GPAM: variants seen among roughly 807,000 people sequenced by gnomAD.
GPAM encodes the protein glycerol-3-phosphate acyltransferase 1, mitochondrial.
GPAM carries 56 observed loss-of-function variants against 105.0 expected under a neutral mutation model. That is an observed-to-expected ratio of 0.53 (90% CI 0.43 to 0.67). The LOEUF (loss-of-function observed/expected upper bound fraction) is 0.67. Ranked by LOEUF, GPAM falls within the 30% of genes least tolerant of loss-of-function variation. The pLI is 0.00. For missense variants in GPAM, 855 were observed against 989.8 expected (o/e 0.86, Z 1.83); for synonymous variants, 368 against 354.4 (o/e 1.04, Z -0.43).
At chr10:112,219,372 G>A (rs1001253269), upstream of GPAM, among the ~76,000 whole-genome samples, 2 of 152,184 alleles carry the variant, frequency 1.3e-5, no homozygotes, top group Non-Finnish European at 1.5e-5. Flanking sequence ...CCTGGGAGTG[G>A]GGATGACGGA....
At chr10:112,192,203 C>T (rs901609521) in intron 1 of GPAM, among the ~76,000 whole-genome samples, 1 of 152,124 alleles carries the variant, frequency 6.6e-6, no homozygotes, top group African/African-American at 2.4e-5. Context: ...TTCGTTTATC[C>T]ATTCATTCAT....
intron 4 of GPAM, among the ~76,000 whole-genome samples, chr10:112,178,778 C>T (rs552345627): frequency 4.6e-5 from 7 of 152,134 alleles, no homozygotes; most frequent in Non-Finnish European, 8.8e-5. Context: ...GAGTTATCAC[C>T]ATTTTCTAGG....
At chr10:112,200,024 GA>G (rs1325405337) in intron 1 of GPAM, among the ~76,000 whole-genome samples, 2 of 151,706 alleles carry the variant, frequency 1.3e-5, no homozygotes, top group African/African-American at 4.8e-5. Flanking sequence ...AATCAAAAAA[GA>G]ATCACTGTAT....
At chr10:112,204,408 G>A (rs909576456) in intron 1 of GPAM, among the ~76,000 whole-genome samples, 3 of 151,734 alleles carry the variant, frequency 2.0e-5, no homozygotes, top group Non-Finnish European at 2.9e-5. Flanking sequence ...GTGGGAAGAG[G>A]GTTGGGAGTG....
In GPAM at chr10:112,153,601, T is replaced by A; in HGVS notation, c.2436A>T (p.Gln812His). ...VLELSSTFLP[Q>H]CNRQKLLEYI... ...ATTCTAGAAGTTTTTGTCGGTTGCA[T>A]TGAGGTAGAAAAGTGCTGCTCAGTT... Residue 812 changes from glutamine to histidine, a missense_variant, in exon 22 of 22, where the codon CAA (glutamine) becomes CAT (histidine). Gln to His is a conservative substitution (Grantham distance 24). Coordinates refer to ENST00000348367, the MANE Select transcript of GPAM (RefSeq NM_001244949.2). 1 of 1,614,008 alleles carries A rather than the reference T, an allele frequency of 6.2e-7. No individual in the cohort carries two copies. Among genetic ancestry groups the A allele is most frequent in the Non-Finnish European group, 8.5e-7 (1 of 1,179,890 alleles).
chr10:112,156,191 CT>C, intron 19 of GPAM, 138 bp from the exon 20 acceptor site: 2 of 691,904 alleles, frequency 2.9e-6, no homozygotes, highest in South Asian at 3.1e-5. Context: ...AAGCGGCCCC[CT>C]GCCCCTCATG....
intron 9 of GPAM, among the ~76,000 whole-genome samples, chr10:112,169,587 T>C (rs900021336): frequency 6.6e-6 from 1 of 152,298 alleles, no homozygotes. Flanking sequence ...AAGTTGAAAC[T>C]GTCTAAGTCA....
At chr10:112,224,991 G>T in the GPAM span, among the ~76,000 whole-genome samples, 1 of 152,138 alleles carries the variant, frequency 6.6e-6, no homozygotes, top group Admixed American at 6.5e-5. Context: ...TCATTAAGCA[G>T]AACACTCAAC....
chr10:112,202,631 T>C (rs916549697), intron 1 of GPAM, among the ~76,000 whole-genome samples: 1 of 152,242 alleles, frequency 6.6e-6, no homozygotes, highest in Non-Finnish European at 1.5e-5. Flanking sequence ...TAGTTATGCA[T>C]AATTTTACAT....
chr10:112,166,833 C>G (rs1847226615), intron 11 of GPAM, among the ~76,000 whole-genome samples: 1 of 152,102 alleles, frequency 6.6e-6, no homozygotes, highest in African/African-American at 2.4e-5. Context: ...AATGACATAG[C>G]CTGGAAAACT....
At position 112,176,946 on chromosome 10, in the gene GPAM, GGCAA is replaced by G. The variant is rs535016175; in HGVS notation, c.299+1034_299+1037del. ...TTTTCCTTAACTGTCTCTAATTGAG[GGCAA>G]GAAACAAACCTCTTGGCTTTATATA... On this transcript the variant is annotated intron_variant, in intron 5 of 21. Coordinates refer to ENST00000348367, the MANE Select transcript of GPAM (RefSeq NM_001244949.2). 5.7e-3 allele frequency among the ~76,000 whole-genome samples: 867 copies of G among 152,066 alleles called. 7 individuals are homozygous for G. Among genetic ancestry groups the G allele is most frequent in the African/African-American group, 0.02 (833 of 41,462 alleles).
intron 1 of GPAM, among the ~76,000 whole-genome samples, chr10:112,192,468 T>C (rs1847671934): frequency 6.6e-6 from 1 of 152,118 alleles, no homozygotes; most frequent in Non-Finnish European, 1.5e-5. Context: ...GATAAGGTGG[T>C]CAGGGAGGAC....
the GPAM span, among the ~76,000 whole-genome samples, chr10:112,220,901 G>A: frequency 6.6e-6 from 1 of 151,548 alleles, no homozygotes; most frequent in Non-Finnish European, 1.5e-5. Context: ...TACATGGGGA[G>A]ATTATTCACA....
At chr10:112,222,917 T>G in the GPAM span, among the ~76,000 whole-genome samples, 55,951 of 151,652 alleles carry the variant, frequency 0.37, 12,718 homozygotes, top group African/African-American at 0.64. Flanking sequence ...AAGAGAACCT[T>G]CTGCAGGTGC....
At chr10:112,172,098 CAT>C in intron 9 of GPAM, 82 bp downstream of exon 9, 1 of 999,722 alleles carries the variant, frequency 1.0e-6, no homozygotes, top group Non-Finnish European at 1.6e-6. Context: ...TTTACAATAA[CAT>C]ATCGAAAGCT....
chr10:112,168,606 C>A, intron 10 of GPAM, 82 bp from the exon 11 acceptor site: 6 of 985,710 alleles, frequency 6.1e-6, no homozygotes, highest in Admixed American at 5.6e-5. Context: ...TCTTTAAAAG[C>A]AAAACAGAAA....
rs1286151373 is a variant in GPAM at position 112,180,529 on chromosome 10, T to C, written c.169A>G (p.Ser57Gly). 1 of 1,613,104 alleles carries C rather than the reference T, an allele frequency of 6.2e-7. No homozygotes were observed. The highest frequency in any genetic ancestry group is 1.1e-5 in the South Asian group (1 of 91,064). Reference sequence around the variant, plus strand: ...CTTCCAACAAATGGCCTTTTCCGACTCATTAGGCTTTCTTTCCATTTTAAA... The same window carrying C: ...CTTCCAACAAATGGCCTTTTCCGACCCATTAGGCTTTCTTTCCATTTTAAA... ...ATLKWKESLM[S>G]RKRPFVGRCC... is the part of the protein sequence containing the mutation. Residue 57 changes from serine to glycine, a missense_variant, in exon 4 of 22, where the codon AGT becomes GGT. Coordinates refer to ENST00000348367, the MANE Select transcript of GPAM (RefSeq NM_001244949.2).
chr10:112,169,531 C>A (rs1772275208), intron 9 of GPAM, among the ~76,000 whole-genome samples: 1 of 152,206 alleles, frequency 6.6e-6, no homozygotes, highest in African/African-American at 2.4e-5. Flanking sequence ...TAAAACGATT[C>A]TTTTCCTAAC....
At chr10:112,207,121 G>C (rs964541657) in intron 1 of GPAM, among the ~76,000 whole-genome samples, 3 of 152,222 alleles carry the variant, frequency 2.0e-5, no homozygotes, top group African/African-American at 7.2e-5. Context: ...CTCCACAGGG[G>C]ATATTTGTAA....
Sources: gnomAD v4.1 joint callset for allele counts (sites outside exome capture counted in the v4.1 genomes callset) on GRCh38, gnomAD v4.1.1 for gene constraint, MANE v1.5 for transcripts, NCBI Gene and HGNC (gene_info 2026-07-23, HGNC 2026-07-21) for gene names.